The following EYS variants were observed in gnomAD, a reference collection of about 807,000 sequenced individuals.
EYS encodes the protein protein eyes shut homolog.
In EYS, 250 loss-of-function variants were observed where a neutral mutation model predicts 282.1. The ratio of observed to expected loss-of-function variants is 0.89; its 90% CI spans 0.80 to 0.98. EYS has a LOEUF of 0.98. Ranked by LOEUF, EYS falls within the 50% of genes least tolerant of loss-of-function variation. The pLI, the probability that EYS is intolerant of heterozygous loss-of-function variation, is 0.00. For synonymous variants in EYS, 1,355 were observed against 1,282.9 expected (o/e 1.06, Z -1.20); for missense variants, 4,016 against 3,709.0 (o/e 1.08, Z -2.15).
At chr6:64,517,415 A>G (rs1292765754) in intron 26 of EYS, among the ~76,000 whole-genome samples, 6 of 152,014 alleles carry the variant, frequency 3.9e-5, no homozygotes, top group Admixed American at 3.9e-4. Flanking sequence ...GGAAGTAAAA[A>G]TGTATGGCAA....
At chr6:64,168,615 T>C (rs1172663689) in intron 31 of EYS, among the ~76,000 whole-genome samples, 2 of 152,250 alleles carry the variant, frequency 1.3e-5, no homozygotes, top group East Asian at 1.9e-4. Context: ...TAAAAAACAT[T>C]ATGCTAAGTA....
At chr6:64,835,376 G>C (rs376130690) in intron 19 of EYS, among the ~76,000 whole-genome samples, 4 of 151,638 alleles carry the variant, frequency 2.6e-5, no homozygotes, top group African/African-American at 9.7e-5. Context: ...TGAAATGATA[G>C]AAGAAAGTAT....
In EYS at chr6:65,048,239, T is replaced by C. The variant is rs543058108; in HGVS notation, c.2137+9375A>G. Among the ~76,000 whole-genome samples the C allele has an allele frequency of 5.9e-5, 9 of 152,024 alleles. No homozygotes were observed. In the South Asian group the frequency reaches 1.9e-3, roughly 32 times the overall value. ...AATATTTTCAAGAAGGAATCTAGTTTTACTATTGCCACTTTTTCATTTCAT... is the reference window on the plus strand; with the variant it reads ...AATATTTTCAAGAAGGAATCTAGTTCTACTATTGCCACTTTTTCATTTCAT... On this transcript the variant is annotated intron_variant, in intron 13 of 42. Transcript: ENST00000503581.
At chr6:65,040,392 T>C (rs566847700) in intron 13 of EYS, among the ~76,000 whole-genome samples, 1 of 151,814 alleles carries the variant, frequency 6.6e-6, no homozygotes, top group Admixed American at 6.6e-5. Context: ...TTCATCTTCA[T>C]ATGGAGGTCT....
chr6:64,807,355 G>T (rs1224462651), intron 22 of EYS, among the ~76,000 whole-genome samples: 1 of 152,046 alleles, frequency 6.6e-6, no homozygotes, highest in Non-Finnish European at 1.5e-5. Context: ...ATGACTGACA[G>T]AGTACAAACC....
chr6:64,976,646 G>T (rs970378765), intron 14 of EYS, among the ~76,000 whole-genome samples: 1 of 151,810 alleles, frequency 6.6e-6, no homozygotes, highest in Non-Finnish European at 1.5e-5. Flanking sequence ...ATTGCTTTGG[G>T]GGTAGGATTT....
intron 35 of EYS, among the ~76,000 whole-genome samples, chr6:63,917,783 C>T (rs1236400394): frequency 6.6e-6 from 1 of 152,164 alleles, no homozygotes; most frequent in African/African-American, 2.4e-5. Context: ...GATGTATGCT[C>T]CCATTGGTGT....
intron 12 of EYS, among the ~76,000 whole-genome samples, chr6:65,068,595 C>T (rs1399958753): frequency 6.6e-6 from 1 of 151,914 alleles, no homozygotes; most frequent in Non-Finnish European, 1.5e-5. Flanking sequence ...CATGTGAGTT[C>T]CAGGTGGGAC....
At chr6:64,554,360 G>A (rs769056873) in intron 26 of EYS, among the ~76,000 whole-genome samples, 1 of 151,958 alleles carries the variant, frequency 6.6e-6, no homozygotes, top group Non-Finnish European at 1.5e-5. Context: ...GAAGAAAAAG[G>A]ATATGTGTCT....
intron 26 of EYS, among the ~76,000 whole-genome samples, chr6:64,553,677 A>G (rs2149807307): frequency 6.6e-6 from 1 of 151,734 alleles, no homozygotes; most frequent in East Asian, 2.0e-4. Context: ...ATCCTGAGTT[A>G]ACTCTGTGTC....
At chr6:64,945,711 T>A in intron 15 of EYS, 82 bp downstream of exon 15, 1 of 1,249,492 alleles carries the variant, frequency 8.0e-7, no homozygotes. Context: ...GTATCTAAAG[T>A]GAAAATAATG....
At chr6:64,296,598 A>ATTTTTTTTTTT (rs1173183488) in intron 30 of EYS, among the ~76,000 whole-genome samples, 1 of 20,134 alleles carries the variant, frequency 5.0e-5, no homozygotes, top group African/African-American at 1.6e-4. Flanking sequence ...ATATATATAT[A>ATTTTTTTTTTT]TTTTTTTTTT....
At chr6:65,517,308 G>A (rs573753585) in intron 2 of EYS, among the ~76,000 whole-genome samples, 1 of 147,098 alleles carries the variant, frequency 6.8e-6, no homozygotes, top group South Asian at 2.1e-4. Flanking sequence ...TGTAACAAAA[G>A]TATTTTGGAA....
At chr6:65,205,536 C>T (rs972903034) in intron 12 of EYS, among the ~76,000 whole-genome samples, 5 of 151,848 alleles carry the variant, frequency 3.3e-5, no homozygotes, top group Non-Finnish European at 5.9e-5. Flanking sequence ...TTAAACTATA[C>T]TCTAAACTAT....
chr6:64,783,979 A>G (rs1439601975), intron 22 of EYS, among the ~76,000 whole-genome samples: 1 of 152,130 alleles, frequency 6.6e-6, no homozygotes, highest in African/African-American at 2.4e-5. Flanking sequence ...TTTAAATGTT[A>G]TCTGGAGGGG....
At chr6:65,179,114 G>T (rs1312727768) in intron 12 of EYS, among the ~76,000 whole-genome samples, 1 of 152,054 alleles carries the variant, frequency 6.6e-6, no homozygotes, top group Non-Finnish European at 1.5e-5. Context: ...AAGCAGGAAA[G>T]ATCTAAAATT....
intron 13 of EYS, among the ~76,000 whole-genome samples, chr6:65,025,878 C>G (rs1772392909): frequency 6.6e-6 from 1 of 152,134 alleles, no homozygotes; most frequent in Admixed American, 6.6e-5. Flanking sequence ...AAAAACTCCC[C>G]AGGGCAGAGA....
intron 12 of EYS, among the ~76,000 whole-genome samples, chr6:65,164,463 T>G (rs900696077): frequency 6.6e-6 from 1 of 151,398 alleles, no homozygotes; most frequent in Non-Finnish European, 1.5e-5. Context: ...CTTTTCTTAC[T>G]ATATGCTTTC....
chr6:65,515,120 A>T, intron 2 of EYS, among the ~76,000 whole-genome samples: 1 of 152,296 alleles, frequency 6.6e-6, no homozygotes, highest in East Asian at 1.9e-4. Context: ...CCCATCAAAA[A>T]GTGGGCAAAG....
Sources: allele counts gnomAD v4.1 joint callset (sites outside exome capture counted in the v4.1 genomes callset), GRCh38; gene constraint gnomAD v4.1.1; transcripts MANE v1.5; gene names NCBI Gene and HGNC (gene_info 2026-07-23, HGNC 2026-07-21).